Variants in SH3BGR observed in about 807,000 individuals in gnomAD.
The protein encoded by SH3BGR is SH3 domain binding glutamate rich protein, also known as SH3 domain-binding glutamic acid-rich protein.
Under a neutral mutation model 24.5 loss-of-function variants are expected in SH3BGR, and 29 were observed. The ratio of observed to expected loss-of-function variants is 1.18; its 90% confidence interval spans 0.88 to 1.61. The LOEUF (loss-of-function observed/expected upper bound fraction) is 1.61. Among genes scored for constraint, SH3BGR ranks in the 40% most tolerant of loss-of-function variants. The probability of loss-of-function intolerance (pLI) is 0.00; values close to 1 mark genes in which losing one functional copy is unlikely to be tolerated. For synonymous variants in SH3BGR, 55 were observed against 65.7 expected, an observed-to-expected ratio of 0.84 and a Z score of 0.79; for missense variants, 162 against 205.8, an observed-to-expected ratio of 0.79 and a Z score of 1.30.
At chr21:39,447,027 G>A (rs143285085), upstream of SH3BGR, 22 of 152,064 alleles carry the variant, frequency 1.4e-4, no homozygotes, top group East Asian at 3.9e-3. Flanking sequence ...AGAAATGCAT[G>A]ACCCACCCTG....
upstream of SH3BGR, chr21:39,445,931 T>A (rs552570347): frequency 6.6e-6 from 1 of 152,174 alleles, no homozygotes; most frequent in Admixed American, 6.5e-5. Flanking sequence ...TGACGGGAAG[T>A]GAGTTTCTTG....
intron 3 of SH3BGR, among the ~76,000 whole-genome samples, chr21:39,497,289 T>A (rs1305855135): frequency 6.6e-6 from 1 of 151,440 alleles, no homozygotes; most frequent in African/African-American, 2.4e-5. Context: ...AAATGATGAT[T>A]TATATATAAT....
intron 5 of SH3BGR, among the ~76,000 whole-genome samples, 168 bp downstream of exon 5, chr21:39,509,195 A>G (rs1340533985): frequency 2.0e-5 from 3 of 152,178 alleles, no homozygotes; most frequent in African/African-American, 7.2e-5. Flanking sequence ...TAAGTTGGAG[A>G]TAAGTTTGTC....
At chr21:39,486,730 T>C (rs1411976145) in intron 3 of SH3BGR, among the ~76,000 whole-genome samples, 2 of 152,212 alleles carry the variant, frequency 1.3e-5, no homozygotes, top group Non-Finnish European at 2.9e-5. Flanking sequence ...TTTTTATTTT[T>C]TATTTTTTGA....
chr21:39,447,671 G>A (rs552506757), upstream of SH3BGR, among the ~76,000 whole-genome samples: 8 of 152,042 alleles, frequency 5.3e-5, no homozygotes, highest in South Asian at 1.0e-3. Flanking sequence ...TGCCCGCCTC[G>A]GCCTCCCAAA....
intron 2 of SH3BGR, among the ~76,000 whole-genome samples, chr21:39,465,171 A>T (rs2123332840): frequency 6.6e-6 from 1 of 152,144 alleles, no homozygotes; most frequent in South Asian, 2.1e-4. Context: ...AAGTATTGGG[A>T]TTACAGGCAT....
In SH3BGR at chr21:39,515,357, G is replaced by A. The variant is rs1385098973; in HGVS notation, c.*304G>A. 5.9e-6 allele frequency: 1 copy of A among 168,788 alleles called. No homozygotes were observed. Among genetic ancestry groups the A allele is most frequent in the Non-Finnish European group, 1.3e-5 (1 of 77,302 alleles). 10.5% of individuals were successfully genotyped at this position (168,788 alleles called of 1,614,324 possible). On this transcript the variant is annotated 3_prime_UTR_variant, in exon 7 of 7. Transcript: ENST00000333634. ...TAGACCATCTTATTAATAATACTCT[G>A]AAAAAAATGATTTCAAGGCATGGAA...
At chr21:39,502,827 C>T (rs966172393) in intron 4 of SH3BGR, among the ~76,000 whole-genome samples, 2 of 152,214 alleles carry the variant, frequency 1.3e-5, no homozygotes, top group Non-Finnish European at 2.9e-5. Context: ...CTTCTGACCG[C>T]GGACGCTGCT....
intron 1 of SH3BGR, among the ~76,000 whole-genome samples, chr21:39,457,795 G>A (rs551412387): frequency 7.6e-4 from 116 of 151,956 alleles, no homozygotes; most frequent in African/African-American, 2.8e-3. Context: ...GTGGTGGTGT[G>A]CGTCCATAGT....
chr21:39,495,290 T>C (rs888303134), intron 3 of SH3BGR, among the ~76,000 whole-genome samples: 3 of 152,168 alleles, frequency 2.0e-5, no homozygotes, highest in Admixed American at 2.0e-4. Flanking sequence ...TAGTGAGTCT[T>C]GTGTTGTGGA....
upstream of SH3BGR, among the ~76,000 whole-genome samples, chr21:39,449,882 C>T (rs2077553501): frequency 6.6e-6 from 1 of 152,162 alleles, no homozygotes; most frequent in Non-Finnish European, 1.5e-5. Context: ...GCAGATCTGG[C>T]ACATGGACAA....
At chr21:39,498,112 T>C (rs2078429927) in intron 3 of SH3BGR, among the ~76,000 whole-genome samples, 1 of 152,216 alleles carries the variant, frequency 6.6e-6, no homozygotes, top group African/African-American at 2.4e-5. Flanking sequence ...CCATGGTACA[T>C]TGAGCTAAAA....
chr21:39,473,069 T>C (rs1028478086), intron 2 of SH3BGR, among the ~76,000 whole-genome samples: 10 of 151,784 alleles, frequency 6.6e-5, no homozygotes, highest in African/African-American at 2.4e-4. Flanking sequence ...TAATCTGCCA[T>C]AGTAGCAGAA....
intron 2 of SH3BGR, among the ~76,000 whole-genome samples, chr21:39,473,489 T>C (rs2077975275): frequency 6.6e-6 from 1 of 152,202 alleles, no homozygotes. Context: ...TCAACCAAGA[T>C]TTGAGGCAGC....
At chr21:39,501,184 T>C (rs2078488464) in intron 4 of SH3BGR, among the ~76,000 whole-genome samples, 1 of 152,250 alleles carries the variant, frequency 6.6e-6, no homozygotes, top group Admixed American at 6.5e-5. Context: ...ATGAATACTT[T>C]GAAGTTGAGT....
intron 2 of SH3BGR, among the ~76,000 whole-genome samples, chr21:39,474,593 T>G (rs2077995850): frequency 6.6e-6 from 1 of 152,174 alleles, no homozygotes; most frequent in Non-Finnish European, 1.5e-5. Context: ...GAGCATCAGA[T>G]TTCAATCCAC....
chr21:39,513,257 G>C (rs576231615), intron 6 of SH3BGR, among the ~76,000 whole-genome samples: 1 of 152,252 alleles, frequency 6.6e-6, no homozygotes, highest in South Asian at 2.1e-4. Context: ...TGTTCCCCAG[G>C]CAGGTCTCTA....
At chr21:39,455,059 C>A in intron 1 of SH3BGR, among the ~76,000 whole-genome samples, 1 of 152,140 alleles carries the variant, frequency 6.6e-6, no homozygotes, top group Non-Finnish European at 1.5e-5. Context: ...GGCTCGAATC[C>A]AGTGTGCTTT....
chr21:39,509,963 G>A (rs1342516260), intron 5 of SH3BGR, among the ~76,000 whole-genome samples: 1 of 124,906 alleles, frequency 8.0e-6, no homozygotes, highest in Non-Finnish European at 1.7e-5. Flanking sequence ...TTTTTTTTGA[G>A]ACGGAGTCCC....
Sources: allele counts gnomAD v4.1 joint callset (sites outside exome capture counted in the v4.1 genomes callset), GRCh38; gene constraint gnomAD v4.1.1; transcripts MANE v1.5; gene names NCBI Gene and HGNC (gene_info 2026-07-23, HGNC 2026-07-21).